RPS3: variants seen among roughly 807,000 people sequenced by gnomAD.
The protein encoded by RPS3 is small ribosomal subunit protein uS3.
A neutral mutation model predicts 25.8 loss-of-function variants in RPS3; 2 were observed. The ratio of observed to expected loss-of-function variants is 0.08; its 90% CI spans 0.03 to 0.24. The LOEUF (loss-of-function observed/expected upper bound fraction) is 0.24, where lower values mean the gene tolerates loss of function less well. Ranked by LOEUF, RPS3 falls within the 10% of genes least tolerant of loss-of-function variation. RPS3 has a pLI of 1.00. For synonymous variants in RPS3, 114 were observed against 114.2 expected, an observed-to-expected ratio of 1.00 and a Z score of 0.01; for missense variants, 107 against 307.1, an observed-to-expected ratio of 0.35 and a Z score of 4.87.
At chr11:75,402,708 C>T in intron 4 of RPS3, 1 of 252,010 alleles carries the variant, frequency 4.0e-6, no homozygotes, top group East Asian at 7.4e-5. Flanking sequence ...ATAGAACTGT[C>T]CAAGGAGGGG....
At chr11:75,412,383 C>CT (rs1224350090) in intron 6 of RPS3, among the ~76,000 whole-genome samples, 4 of 152,198 alleles carry the variant, frequency 2.6e-5, no homozygotes, top group African/African-American at 9.7e-5. Context: ...GCAGCTCCAT[C>CT]TTTCCTACTT....
intron 6 of RPS3, among the ~76,000 whole-genome samples, chr11:75,414,048 C>T (rs1211467696): frequency 6.6e-6 from 1 of 152,130 alleles, no homozygotes; most frequent in African/African-American, 2.4e-5. Context: ...TTCTTTGTGT[C>T]ACTCTGAGGT....
At chr11:75,415,861 A>G (rs1280530814) in intron 6 of RPS3, among the ~76,000 whole-genome samples, 4 of 150,386 alleles carry the variant, frequency 2.7e-5, no homozygotes, top group Admixed American at 1.3e-4. Context: ...CTGTAATCCC[A>G]GCTACTCAGG....
At chr11:75,405,081 T>C in intron 6 of RPS3, 1 of 415,892 alleles carries the variant, frequency 2.4e-6, no homozygotes, top group Non-Finnish European at 4.3e-6. Flanking sequence ...AGAAAGAAGT[T>C]CCTGCTTTTA....
At chr11:75,420,890 C>T (rs1421012834) in intron 6 of RPS3, among the ~76,000 whole-genome samples, 2 of 151,986 alleles carry the variant, frequency 1.3e-5, no homozygotes, top group South Asian at 2.1e-4. Flanking sequence ...GGAGAGGGCA[C>T]GTGCACGAAA....
chr11:75,406,576 T>C lies in RPS3; in HGVS notation c.*966T>C, dbSNP rs768213817. ...TGCTTGGCACATGGTAAGGGCTTAA[T>C]ATTTGAGGTAATTATGTAGGGCGTA... On this transcript the variant is annotated 3_prime_UTR_variant, in exon 7 of 7. Coordinates refer to ENST00000531188, the MANE Select transcript of RPS3 (RefSeq NM_001005.5). The C allele has an allele frequency of 1.3e-5, 2 of 152,214 alleles. No homozygotes were observed. The highest frequency in any genetic ancestry group is 4.8e-5 in the African/African-American group (2 of 41,448). 9.4% of individuals were successfully genotyped at this position (152,214 alleles called of 1,614,324 possible). A position where few individuals can be genotyped will look rare whatever the true frequency, so the allele number is the denominator to read the frequency against.
At chr11:75,405,572 C>T (rs187463373) in intron 6 of RPS3, 42 bp from the exon 7 acceptor site, 11 of 453,882 alleles carry the variant, frequency 2.4e-5, no homozygotes, top group African/African-American at 1.8e-4. Context: ...AACTTAATAA[C>T]TCTGGTAAAG....
At position 75,404,269 on chromosome 11, in the gene RPS3, T is replaced by A; in HGVS notation, c.538+62T>A. 2 of 1,466,450 alleles carry A rather than the reference T, an allele frequency of 1.4e-6. No homozygotes were observed. Among genetic ancestry groups the A allele is most frequent in the South Asian group, 2.4e-5 (2 of 82,760 alleles). 90.8% of individuals were successfully genotyped at this position (1,466,450 alleles called of 1,614,324 possible). ...GGACAGATTTGGTTTTCCACAGACA[T>A]CTTAAGTATTTGGGGGAGTTTATCA... On this transcript the variant is annotated intron_variant, in intron 5 of 6. Coordinates refer to ENST00000531188, the MANE Select transcript of RPS3 (RefSeq NM_001005.5). The surrounding 1 kb of genome is among the most constrained non-coding windows in gnomAD (Gnocchi z 4.6).
At chr11:75,410,148 G>A (rs1948335520), downstream of RPS3, among the ~76,000 whole-genome samples, 1 of 150,634 alleles carries the variant, frequency 6.6e-6, no homozygotes, top group Non-Finnish European at 1.5e-5. Flanking sequence ...CGGACGGGGC[G>A]GCTGGCCGGG....
chr11:75,407,694 T>A (rs1207892460), downstream of RPS3, among the ~76,000 whole-genome samples: 5 of 152,022 alleles, frequency 3.3e-5, no homozygotes, highest in Non-Finnish European at 5.9e-5. Flanking sequence ...ATGGTCTCGA[T>A]CTGACCTCGT....
intron 1 of RPS3, 129 bp from the exon 2 acceptor site, chr11:75,400,565 G>A (rs774780965): frequency 1.5e-5 from 21 of 1,361,216 alleles, no homozygotes; most frequent in South Asian, 1.5e-4. Flanking sequence ...TGGAACAAGG[G>A]TTTGGAACCA....
downstream of RPS3, among the ~76,000 whole-genome samples, chr11:75,408,934 A>C (rs1948315338): frequency 6.6e-6 from 1 of 151,440 alleles, no homozygotes; most frequent in South Asian, 2.1e-4. Flanking sequence ...TTATGCTGGG[A>C]CTCCCTCTAT....
At chr11:75,399,652 G>GAA in intron 1 of RPS3, 75 bp downstream of exon 1, 1 of 1,328,936 alleles carries the variant, frequency 7.5e-7, no homozygotes, top group Non-Finnish European at 1.1e-6. Context: ...GCCACCGCGA[G>GAA]GCCTGCAGCT....
intron 6 of RPS3, among the ~76,000 whole-genome samples, chr11:75,419,371 T>G (rs952400808): frequency 8.6e-5 from 13 of 151,948 alleles, no homozygotes; most frequent in African/African-American, 2.9e-4. Flanking sequence ...CTGACCAACA[T>G]GGTGAAACCC....
intron 6 of RPS3, among the ~76,000 whole-genome samples, chr11:75,420,798 G>A (rs1428354785): frequency 6.6e-6 from 1 of 151,984 alleles, no homozygotes; most frequent in Non-Finnish European, 1.5e-5. Flanking sequence ...CCCGGTGATA[G>A]AGGAGGGCAG....
intron 1 of RPS3, 46 bp from the exon 2 acceptor site, chr11:75,400,648 G>T (rs372482284): frequency 6.2e-7 from 1 of 1,602,548 alleles, no homozygotes; most frequent in South Asian, 1.1e-5. Flanking sequence ...GCGAAAGTGA[G>T]CCTACACCGA....
downstream of RPS3, among the ~76,000 whole-genome samples, chr11:75,408,405 T>A (rs1242284609): frequency 6.6e-6 from 1 of 151,802 alleles, no homozygotes; most frequent in Non-Finnish European, 1.5e-5. Flanking sequence ...TCCTGGGAGG[T>A]GGAGATTGCA....
intron 6 of RPS3, among the ~76,000 whole-genome samples, chr11:75,420,158 C>T (rs1948431449): frequency 6.6e-6 from 1 of 152,174 alleles, no homozygotes; most frequent in African/African-American, 2.4e-5. Flanking sequence ...GGTAGCAGGT[C>T]CCTCTCTTTC....
downstream of RPS3, among the ~76,000 whole-genome samples, chr11:75,409,719 T>G (rs1948325548): frequency 6.7e-6 from 1 of 149,310 alleles, no homozygotes; most frequent in African/African-American, 2.5e-5. Flanking sequence ...CCAGACGGGG[T>G]CGTGGCCGGG....
Sources: gnomAD v4.1 joint callset for allele counts (sites outside exome capture counted in the v4.1 genomes callset) on GRCh38, gnomAD v4.1.1 for gene constraint, Gnocchi (gnomAD v3.1) non-coding constraint, MANE v1.5 for transcripts, NCBI Gene and HGNC (gene_info 2026-07-23, HGNC 2026-07-21) for gene names.